The following PLCL1 variants were observed in gnomAD, a reference collection of about 807,000 sequenced individuals.
PLCL1 encodes the protein phospholipase C like 1 (inactive), also known as inactive phospholipase C-like protein 1.
Under a neutral mutation model 84.4 loss-of-function variants are expected in PLCL1, and 41 were observed. That is an observed-to-expected ratio of 0.49 (90% CI 0.38 to 0.63). The LOEUF is 0.63. Among genes scored for constraint, PLCL1 ranks in the 30% least tolerant of loss-of-function variants. The pLI, the probability that PLCL1 is intolerant of heterozygous loss-of-function variation, is 0.00. For synonymous variants in PLCL1, 490 were observed against 488.3 expected (o/e 1.00, Z -0.05); for missense variants, 1,206 against 1,367.8 (o/e 0.88, Z 1.87).
rs563642375 is a variant in PLCL1 at position 197,999,177 on chromosome 2, G to C, written c.241-84581G>C. Among the ~76,000 whole-genome samples, 3 of 152,298 alleles carry C rather than the reference G, an allele frequency of 2.0e-5. No homozygotes were observed. The East Asian group carries it at 5.8e-4, about 29-fold the overall frequency. Reference sequence around the variant, plus strand: ...ACAAGACCAGGGTCCCTAAAGGTCAGCTTCTCAAGGCACAGAGCAGGGCAC... The same window carrying C: ...ACAAGACCAGGGTCCCTAAAGGTCACCTTCTCAAGGCACAGAGCAGGGCAC... On this transcript the variant is annotated intron_variant, in intron 1 of 5. Transcript: ENST00000428675.
At chr2:197,990,157 C>A (rs1421096062) in intron 1 of PLCL1, among the ~76,000 whole-genome samples, 1 of 152,054 alleles carries the variant, frequency 6.6e-6, no homozygotes, top group Non-Finnish European at 1.5e-5. Flanking sequence ...CACATTAGAC[C>A]TAAACGAGCT....
rs200136024 is a variant in PLCL1, at chr2:198,077,234, TC to T, written c.241-6523del. Among the ~76,000 whole-genome samples, 1,459 of 152,232 alleles carry T rather than the reference TC, an allele frequency of 9.6e-3. 30 individuals are homozygous for T. The highest frequency in any genetic ancestry group is 0.032 in the African/African-American group (1,346 of 41,522). On this transcript the variant is annotated intron_variant, in intron 1 of 5. Coordinates refer to ENST00000428675, the MANE Select transcript of PLCL1 (RefSeq NM_006226.4). Reference sequence around the variant, plus strand: ...CAGCAGTTTGGGTCTCATTTCGTTCTCTATCCTAGGCATCTTAAAAGGAACA... The same window carrying T: ...CAGCAGTTTGGGTCTCATTTCGTTCTTATCCTAGGCATCTTAAAAGGAACA...
At chr2:198,105,797 G>A (rs899892118) in intron 5 of PLCL1, among the ~76,000 whole-genome samples, 3 of 151,780 alleles carry the variant, frequency 2.0e-5, no homozygotes, top group Non-Finnish European at 4.4e-5. Context: ...TTTAAGAACA[G>A]TTCCTATAAA....
intron 1 of PLCL1, among the ~76,000 whole-genome samples, chr2:197,986,459 C>T (rs1210339815): frequency 6.6e-6 from 1 of 152,172 alleles, no homozygotes; most frequent in Non-Finnish European, 1.5e-5. Flanking sequence ...TCAAGTGGTC[C>T]TTCCACCTCA....
chr2:198,133,094 C>T (rs1188617936), intron 5 of PLCL1, among the ~76,000 whole-genome samples: 1 of 151,880 alleles, frequency 6.6e-6, no homozygotes, highest in Non-Finnish European at 1.5e-5. Context: ...GAATCCTTTC[C>T]CCATTGCTTG....
chr2:197,999,813 T>C (rs1378910902), intron 1 of PLCL1, among the ~76,000 whole-genome samples: 1 of 152,176 alleles, frequency 6.6e-6, no homozygotes, highest in Non-Finnish European at 1.5e-5. Context: ...CCTCCCTTTC[T>C]TCCCTCTCCT....
At chr2:197,827,471 C>T (rs1249334940) in intron 1 of PLCL1, among the ~76,000 whole-genome samples, 1 of 151,990 alleles carries the variant, frequency 6.6e-6, no homozygotes, top group Non-Finnish European at 1.5e-5. Flanking sequence ...GAAACTGGCA[C>T]AGCTGGGAAA....
At chr2:197,961,551 A>G (rs1481281958) in intron 1 of PLCL1, among the ~76,000 whole-genome samples, 2 of 152,008 alleles carry the variant, frequency 1.3e-5, no homozygotes, top group Non-Finnish European at 2.9e-5. Flanking sequence ...TGTGCTTCCT[A>G]TGGTATCTTT....
intron 1 of PLCL1, among the ~76,000 whole-genome samples, chr2:197,900,514 A>C (rs1688243981): frequency 6.6e-6 from 1 of 151,194 alleles, no homozygotes; most frequent in East Asian, 1.9e-4. Context: ...GAAACATTTG[A>C]GTGCAGAAGA....
chr2:198,126,903 AAAC>A (rs897211025), intron 5 of PLCL1, among the ~76,000 whole-genome samples: 13 of 151,994 alleles, frequency 8.6e-5, no homozygotes, highest in South Asian at 4.2e-4. Flanking sequence ...ACCCTGTCTC[AAAC>A]AACAACAACA....
intron 3 of PLCL1, 151 bp from the exon 4 acceptor site, chr2:198,101,134 C>A (rs970687422): frequency 1.6e-6 from 1 of 638,716 alleles, no homozygotes; most frequent in Non-Finnish European, 2.8e-6. Context: ...GGGGTTGGAA[C>A]AGAGCTTATC....
At chr2:197,884,608 C>A (rs1051064628) in intron 1 of PLCL1, among the ~76,000 whole-genome samples, 16 of 152,174 alleles carry the variant, frequency 1.1e-4, no homozygotes, top group Non-Finnish European at 2.1e-4. Flanking sequence ...TTAGCAAATT[C>A]TATCACTATC....
At chr2:197,830,905 T>C (rs1691045117) in intron 1 of PLCL1, among the ~76,000 whole-genome samples, 1 of 152,128 alleles carries the variant, frequency 6.6e-6, no homozygotes, top group Non-Finnish European at 1.5e-5. Context: ...GAATTTCATA[T>C]CCAGCCAAAC....
intron 1 of PLCL1, among the ~76,000 whole-genome samples, chr2:197,914,167 T>C (rs569479487): frequency 3.3e-5 from 5 of 152,080 alleles, no homozygotes; most frequent in Admixed American, 6.6e-5. Context: ...TGAAACACTT[T>C]AGGGTATATT....
intron 1 of PLCL1, among the ~76,000 whole-genome samples, chr2:198,080,927 A>G (rs922653191): frequency 2.6e-5 from 4 of 152,192 alleles, no homozygotes; most frequent in Non-Finnish European, 4.4e-5. Flanking sequence ...TGCAGGCTAG[A>G]TGTAAAACAT....
At chr2:197,975,624 T>C (rs1689965101) in intron 1 of PLCL1, among the ~76,000 whole-genome samples, 1 of 146,002 alleles carries the variant, frequency 6.8e-6, no homozygotes, top group South Asian at 2.1e-4. Context: ...TGCAACAGAG[T>C]GAGACCCCCC....
intron 5 of PLCL1, among the ~76,000 whole-genome samples, chr2:198,146,453 CA>C (rs928362734): frequency 3.3e-5 from 5 of 152,120 alleles, no homozygotes; most frequent in African/African-American, 1.2e-4. Context: ...GGTATTGCAG[CA>C]GTGTGCAGAG....
chr2:197,966,265 T>A (rs1049344445), intron 1 of PLCL1, among the ~76,000 whole-genome samples: 1 of 152,020 alleles, frequency 6.6e-6, no homozygotes, highest in Non-Finnish European at 1.5e-5. Flanking sequence ...CATGAGCTGG[T>A]CTCACTAGGT....
chr2:197,925,873 C>T (rs1354479034), intron 1 of PLCL1, among the ~76,000 whole-genome samples: 1 of 152,042 alleles, frequency 6.6e-6, no homozygotes, highest in Non-Finnish European at 1.5e-5. Flanking sequence ...GTTTTAAATG[C>T]TCTTAAGTAT....
Sources: allele counts gnomAD v4.1 joint callset (sites outside exome capture counted in the v4.1 genomes callset), GRCh38; gene constraint gnomAD v4.1.1; transcripts MANE v1.5; gene names NCBI Gene and HGNC (gene_info 2026-07-23, HGNC 2026-07-21).